Variants in ATP8A1 observed in about 807,000 individuals in gnomAD.
ATP8A1 encodes the protein ATPase phospholipid transporting 8A1, also known as phospholipid-transporting ATPase IA.
In ATP8A1, 90 loss-of-function variants were observed where a neutral mutation model predicts 177.7. The ratio of observed to expected loss-of-function variants is 0.51; its 90% CI spans 0.43 to 0.60. The LOEUF is 0.60. Among genes scored for constraint, ATP8A1 ranks in the 20% least tolerant of loss-of-function variants. ATP8A1 has a pLI of 0.00. For missense variants in ATP8A1, 1,072 were observed against 1,392.8 expected, an observed-to-expected ratio of 0.77 and a Z score of 3.67; for synonymous variants, 493 against 485.9, an observed-to-expected ratio of 1.01 and a Z score of -0.19.
intron 25 of ATP8A1, among the ~76,000 whole-genome samples, chr4:42,476,952 TTA>T (rs1474083699): frequency 2.6e-5 from 4 of 152,224 alleles, no homozygotes; most frequent in Admixed American, 1.3e-4. Context: ...ACCACTGATT[TTA>T]TATATGTCTG....
intron 24 of ATP8A1, among the ~76,000 whole-genome samples, chr4:42,491,961 G>A (rs1722782672): frequency 2.0e-5 from 3 of 152,066 alleles, no homozygotes; most frequent in Admixed American, 1.3e-4. Context: ...ACAGAGCAGA[G>A]ACGAGGTGAA....
chr4:42,575,281 T>A (rs547579396), intron 13 of ATP8A1, among the ~76,000 whole-genome samples: 1 of 152,364 alleles, frequency 6.6e-6, no homozygotes, highest in South Asian at 2.1e-4. Flanking sequence ...GCTTCGTTGA[T>A]GAACTTTTCC....
At chr4:42,515,179 T>G (rs1725407766) in intron 22 of ATP8A1, among the ~76,000 whole-genome samples, 3 of 152,192 alleles carry the variant, frequency 2.0e-5, no homozygotes, top group Admixed American at 6.5e-5. Context: ...CAGGTCTAAT[T>G]AAATGAGCTA....
At chr4:42,529,321 C>G (rs1457936587) in intron 20 of ATP8A1, among the ~76,000 whole-genome samples, 1 of 152,092 alleles carries the variant, frequency 6.6e-6, no homozygotes, top group Non-Finnish European at 1.5e-5. Context: ...CAGGTAACTA[C>G]TCTCCTTTTG....
At chr4:42,651,640 G>A (rs749598946) in intron 1 of ATP8A1, among the ~76,000 whole-genome samples, 3 of 152,174 alleles carry the variant, frequency 2.0e-5, no homozygotes, top group Non-Finnish European at 4.4e-5. Flanking sequence ...ATAAGCATTA[G>A]TTTTTGTGTG....
At chr4:42,514,240 A>C (rs1392259979) in intron 22 of ATP8A1, among the ~76,000 whole-genome samples, 1 of 152,202 alleles carries the variant, frequency 6.6e-6, no homozygotes. Flanking sequence ...ATAAGGCCAG[A>C]ATTCACACAC....
intron 15 of ATP8A1, among the ~76,000 whole-genome samples, chr4:42,560,091 A>C (rs1316137952): frequency 6.6e-6 from 1 of 152,240 alleles, no homozygotes; most frequent in African/African-American, 2.4e-5. Flanking sequence ...GTGCATTTAC[A>C]AACAAAGGGA....
chr4:42,509,757 C>T (rs1381907532), intron 22 of ATP8A1, among the ~76,000 whole-genome samples: 1 of 144,246 alleles, frequency 6.9e-6, no homozygotes, highest in Non-Finnish European at 1.5e-5. Context: ...GAGGCTGAGG[C>T]AGGAGAATGG....
chr4:42,569,213 A>G lies in ATP8A1; in HGVS notation c.1296-8T>C. 6.2e-7 allele frequency: 1 copy of G among 1,604,134 alleles called. No homozygotes were observed. Among genetic ancestry groups the G allele is most frequent in the Non-Finnish European group, 8.5e-7 (1 of 1,174,724 alleles). On this transcript the variant is annotated splice_region_variant and splice_polypyrimidine_tract_variant and intron_variant, in intron 14 of 36. Transcript: ENST00000381668. ...TCAGGTTCAGGGACATGGCTTCAGA[A>G]AGCAAGAAGAGAGGCAGAAAGAGAG...
intron 33 of ATP8A1, among the ~76,000 whole-genome samples, chr4:42,436,810 T>C (rs540897680): frequency 2.4e-4 from 36 of 152,250 alleles, no homozygotes; most frequent in Admixed American, 2.0e-3. Context: ...GCTACGGAGG[T>C]AATTAAAAGC....
chr4:42,549,132 GCCATAA>G, intron 18 of ATP8A1, 70 bp from the exon 19 acceptor site: 2 of 1,315,466 alleles, frequency 1.5e-6, no homozygotes, highest in Non-Finnish European at 2.1e-6. Context: ...ATAAATCCTA[GCCATAA>G]AATTTTACTG....
intron 10 of ATP8A1, among the ~76,000 whole-genome samples, chr4:42,580,270 T>C (rs1732898004): frequency 6.6e-6 from 1 of 152,170 alleles, no homozygotes. Context: ...GCAGGTAAGA[T>C]GAATAATGCA....
At chr4:42,438,951 T>A (rs1716310425) in intron 33 of ATP8A1, among the ~76,000 whole-genome samples, 1 of 152,126 alleles carries the variant, frequency 6.6e-6, no homozygotes, top group South Asian at 2.1e-4. Flanking sequence ...TTGGTTCCCT[T>A]CCCTCCCCAA....
At chr4:42,452,630 AAC>A (rs1718051970) in intron 29 of ATP8A1, among the ~76,000 whole-genome samples, 1 of 152,238 alleles carries the variant, frequency 6.6e-6, no homozygotes, top group Non-Finnish European at 1.5e-5. Flanking sequence ...TTCACAATTT[AAC>A]AGTGTTAATA....
intron 33 of ATP8A1, among the ~76,000 whole-genome samples, chr4:42,439,593 C>T (rs148411367): frequency 8.5e-5 from 13 of 152,314 alleles, no homozygotes; most frequent in Admixed American, 3.9e-4. Flanking sequence ...ATACAGTCAT[C>T]GCTCGAGAAG....
chr4:42,524,708 G>A (rs1235214448), intron 21 of ATP8A1, 55 bp downstream of exon 21: 13 of 1,147,124 alleles, frequency 1.1e-5, no homozygotes, highest in Non-Finnish European at 1.7e-5. Context: ...CAAGGTATCA[G>A]AAGTATATGA....
chr4:42,518,471 C>T (rs1725789762), intron 22 of ATP8A1, among the ~76,000 whole-genome samples: 1 of 152,306 alleles, frequency 6.6e-6, no homozygotes, highest in African/African-American at 2.4e-5. Context: ...CTGCCTGGAG[C>T]ACCCACGAGG....
chr4:42,544,231 T>A (rs1365707621), intron 19 of ATP8A1, among the ~76,000 whole-genome samples: 2 of 152,110 alleles, frequency 1.3e-5, no homozygotes, highest in East Asian at 3.8e-4. Context: ...ACAAAATAGT[T>A]CCTAAGAAAC....
At chr4:42,614,254 C>A (rs143487243) in intron 5 of ATP8A1, among the ~76,000 whole-genome samples, 2 of 152,124 alleles carry the variant, frequency 1.3e-5, no homozygotes, top group Non-Finnish European at 2.9e-5. Flanking sequence ...GGTGACCACA[C>A]CTCTACTGTA....
Sources: allele counts gnomAD v4.1 joint callset (sites outside exome capture counted in the v4.1 genomes callset), GRCh38; gene constraint gnomAD v4.1.1; transcripts MANE v1.5; gene names NCBI Gene and HGNC (gene_info 2026-07-23, HGNC 2026-07-21).